The following GABBR2 variants were observed in gnomAD, a reference collection of about 807,000 sequenced individuals.
GABBR2 encodes the protein G-protein coupled receptor 51.
A neutral mutation model predicts 105.6 loss-of-function variants in GABBR2; 23 were observed. That is an observed-to-expected ratio of 0.22 (90% CI 0.16 to 0.31). The LOEUF (loss-of-function observed/expected upper bound fraction) is 0.31, where lower values mean the gene tolerates loss of function less well. Ranked by LOEUF, GABBR2 falls within the 10% of genes least tolerant of loss-of-function variation. GABBR2 has a pLI of 1.00. For missense variants in GABBR2, 734 were observed against 1,245.5 expected (o/e 0.59, Z 6.18); for synonymous variants, 478 against 499.7 (o/e 0.96, Z 0.58).
intron 1 of GABBR2, among the ~76,000 whole-genome samples, chr9:98,633,904 T>C (rs971609850): frequency 1.3e-5 from 2 of 152,198 alleles, no homozygotes; most frequent in African/African-American, 4.8e-5. Context: ...GGTTGGGAGC[T>C]GTCTACCAGA....
At chr9:98,640,490 GTCCTGCTGGCCAGAAACCACCC>G (rs1341741240) in intron 1 of GABBR2, among the ~76,000 whole-genome samples, 1 of 152,092 alleles carries the variant, frequency 6.6e-6, no homozygotes, top group Non-Finnish European at 1.5e-5. Context: ...GATGCCCCAG[GTCCTGCTGGCCAGAAACCACCC>G]TCCGTGATGC....
chr9:98,436,736 T>C (rs1825933848), intron 7 of GABBR2, among the ~76,000 whole-genome samples: 1 of 152,010 alleles, frequency 6.6e-6, no homozygotes, highest in Admixed American at 6.6e-5. Context: ...GCTTAAATAC[T>C]TTCAGAATCA....
chr9:98,383,377 A>G (rs950175377), intron 11 of GABBR2, among the ~76,000 whole-genome samples: 1 of 151,444 alleles, frequency 6.6e-6, no homozygotes, highest in Admixed American at 6.6e-5. Context: ...CACCTTCTTC[A>G]CTCCCAGACG....
chr9:98,509,235 AC>A (rs1440855466), intron 3 of GABBR2, among the ~76,000 whole-genome samples: 1 of 152,236 alleles, frequency 6.6e-6, no homozygotes, highest in Admixed American at 6.5e-5. Flanking sequence ...AAACTAACAA[AC>A]AGAAAGGAAA....
chr9:98,486,512 C>T (rs935272611), intron 4 of GABBR2, among the ~76,000 whole-genome samples: 1 of 152,158 alleles, frequency 6.6e-6, no homozygotes, highest in African/African-American at 2.4e-5. Flanking sequence ...AGGTCAAGCT[C>T]GACCCTGAGC....
chr9:98,294,016 T>C (rs757237094), intron 17 of GABBR2, 114 bp from the exon 18 acceptor site: 6 of 733,952 alleles, frequency 8.2e-6, no homozygotes, highest in African/African-American at 1.7e-5. Context: ...AAGAGCCCAT[T>C]ATCCCTCTGT....
chr9:98,640,520 T>C (rs1049554876), intron 1 of GABBR2, among the ~76,000 whole-genome samples: 3 of 152,156 alleles, frequency 2.0e-5, no homozygotes, highest in Non-Finnish European at 2.9e-5. Flanking sequence ...CCCTCCGTGA[T>C]GCTGAGGGAC....
intron 7 of GABBR2, among the ~76,000 whole-genome samples, chr9:98,420,200 C>A (rs139570537): frequency 1.3e-4 from 20 of 152,308 alleles, no homozygotes; most frequent in East Asian, 3.9e-4. Flanking sequence ...TAGCTCCCCC[C>A]ACCTGGCCCT....
At chr9:98,381,345 C>T (rs1395470597) in intron 11 of GABBR2, among the ~76,000 whole-genome samples, 1 of 152,192 alleles carries the variant, frequency 6.6e-6, no homozygotes, top group Non-Finnish European at 1.5e-5. Flanking sequence ...ACCATAGGGG[C>T]CTGCTTCTCC....
intron 11 of GABBR2, among the ~76,000 whole-genome samples, chr9:98,374,626 T>C (rs543819455): frequency 6.6e-6 from 1 of 152,308 alleles, no homozygotes; most frequent in Non-Finnish European, 1.5e-5. Flanking sequence ...ATCCTCCGAC[T>C]AAAAACCCTG....
At chr9:98,322,016 C>A (rs892070630) in intron 13 of GABBR2, among the ~76,000 whole-genome samples, 1 of 152,078 alleles carries the variant, frequency 6.6e-6, no homozygotes, top group African/African-American at 2.4e-5. Flanking sequence ...CCTCACACTC[C>A]CATCCATCAT....
chr9:98,497,619 C>T (rs907105208), intron 3 of GABBR2, among the ~76,000 whole-genome samples: 3 of 152,208 alleles, frequency 2.0e-5, no homozygotes, highest in Non-Finnish European at 4.4e-5. Flanking sequence ...TGACCTCAAT[C>T]TCTCGTGTGA....
At chr9:98,618,279 CT>C (rs2131819275) in intron 1 of GABBR2, among the ~76,000 whole-genome samples, 1 of 152,274 alleles carries the variant, frequency 6.6e-6, no homozygotes, top group East Asian at 1.9e-4. Context: ...GGCATAATTA[CT>C]AGACTTGTGC....
intron 13 of GABBR2, among the ~76,000 whole-genome samples, chr9:98,322,723 G>T (rs1434159296): frequency 6.6e-6 from 1 of 151,980 alleles, no homozygotes; most frequent in Admixed American, 6.5e-5. Context: ...TTATTGTGGG[G>T]TTTCCTTGCC....
chr9:98,478,880 C>T (rs1159226541), intron 5 of GABBR2, among the ~76,000 whole-genome samples: 1 of 152,092 alleles, frequency 6.6e-6, no homozygotes, highest in African/African-American at 2.4e-5. Context: ...TTGTTTTCCT[C>T]ATTCGATCAA....
Position 98,655,530 on chromosome 9 carries a change from C to A in GABBR2, c.321+52887G>T, listed in dbSNP as rs565382286. Among the ~76,000 whole-genome samples the A allele has an allele frequency of 2.0e-5, 3 of 152,276 alleles. No individual in the cohort carries two copies. In the East Asian group the frequency reaches 5.8e-4, roughly 29 times the overall value. ...TGATGTTAAAGATTTTGGTCTTTCA[C>A]ATGCACACATGTTTATTGCAGCACT... On this transcript the variant is annotated intron_variant, in intron 1 of 18. Coordinates refer to ENST00000259455, the MANE Select transcript of GABBR2 (RefSeq NM_005458.8).
intron 3 of GABBR2, among the ~76,000 whole-genome samples, chr9:98,501,000 G>A (rs1044333736): frequency 6.6e-6 from 1 of 152,094 alleles, no homozygotes; most frequent in Non-Finnish European, 1.5e-5. Context: ...TAAGTTTTAA[G>A]TAAATGATTG....
intron 8 of GABBR2, among the ~76,000 whole-genome samples, chr9:98,395,272 C>A (rs1832266042): frequency 6.6e-6 from 1 of 152,046 alleles, no homozygotes; most frequent in South Asian, 2.1e-4. Flanking sequence ...GTTTCAGTTC[C>A]CATCCCTGAG....
At chr9:98,330,117 C>G (rs1830998146) in intron 13 of GABBR2, among the ~76,000 whole-genome samples, 1 of 152,204 alleles carries the variant, frequency 6.6e-6, no homozygotes, top group African/African-American at 2.4e-5. Flanking sequence ...CAAGCTCCCT[C>G]CAGCCCTGCA....
Sources: allele counts gnomAD v4.1 joint callset (sites outside exome capture counted in the v4.1 genomes callset), GRCh38; gene constraint gnomAD v4.1.1; transcripts MANE v1.5; gene names NCBI Gene and HGNC (gene_info 2026-07-23, HGNC 2026-07-21).